The following CELF2 variants were observed in gnomAD, a reference collection of about 807,000 sequenced individuals.
CELF2 encodes CUGBP Elav-like family member 2.
A neutral mutation model predicts 62.6 loss-of-function variants in CELF2; 8 were observed. That is an observed-to-expected ratio of 0.13 (90% confidence interval 0.07 to 0.23). The LOEUF (loss-of-function observed/expected upper bound fraction) is 0.23, where lower values mean the gene tolerates loss of function less well. Among genes scored for constraint, CELF2 ranks in the 10% least tolerant of loss-of-function variants. The pLI is 1.00. For synonymous variants in CELF2, 258 were observed against 250.0 expected (o/e 1.03, Z -0.30); for missense variants, 333 against 671.0 (o/e 0.50, Z 5.56).
At chr10:10,647,031 C>G in the CELF2 span, among the ~76,000 whole-genome samples, 1 of 152,190 alleles carries the variant, frequency 6.6e-6, no homozygotes, top group South Asian at 2.1e-4. Context: ...TCTAATATCT[C>G]TGTGACATTA....
the CELF2 span, among the ~76,000 whole-genome samples, chr10:10,598,809 G>T: frequency 7.5e-6 from 1 of 134,148 alleles, no homozygotes; most frequent in South Asian, 2.4e-4. Flanking sequence ...AGCCAGGCTG[G>T]AGTGCGGGAT....
intron 1 of CELF2, among the ~76,000 whole-genome samples, chr10:11,086,189 C>T (rs553917372): frequency 3.3e-5 from 5 of 152,216 alleles, no homozygotes; most frequent in Admixed American, 1.3e-4. Context: ...AATGCAGTGC[C>T]ATCTGGAAGA....
the CELF2 span, among the ~76,000 whole-genome samples, chr10:10,583,602 G>A: frequency 1.3e-5 from 2 of 152,124 alleles, no homozygotes; most frequent in Admixed American, 6.5e-5. Flanking sequence ...TGCCGGGGCA[G>A]GACTGGAAAT....
At chr10:10,807,958 A>G (rs773684794) in intron 1 of CELF2, among the ~76,000 whole-genome samples, 7 of 152,294 alleles carry the variant, frequency 4.6e-5, no homozygotes, top group Non-Finnish European at 1.0e-4. Context: ...AGTTATTTCC[A>G]TAGGTCTCTG....
At chr10:10,935,715 G>T in intron 2 of CELF2, among the ~76,000 whole-genome samples, 1 of 152,264 alleles carries the variant, frequency 6.6e-6, no homozygotes, top group Middle Eastern at 3.4e-3. Flanking sequence ...AAGCAAGATG[G>T]TATCACATTG....
intron 1 of CELF2, among the ~76,000 whole-genome samples, chr10:10,823,568 A>G (rs2057142788): frequency 8.9e-6 from 1 of 112,930 alleles, no homozygotes; most frequent in South Asian, 2.6e-4. Flanking sequence ...CTGTGTATGC[A>G]TGTTTTCTTA....
At chr10:10,526,470 C>T in the CELF2 span, among the ~76,000 whole-genome samples, 15 of 152,166 alleles carry the variant, frequency 9.9e-5, no homozygotes, top group Non-Finnish European at 1.9e-4. Flanking sequence ...ATTTAATATG[C>T]TTCCCTTTGT....
upstream of CELF2, among the ~76,000 whole-genome samples, chr10:11,014,541 G>A (rs558320934): frequency 2.6e-5 from 4 of 152,218 alleles, no homozygotes; most frequent in South Asian, 4.2e-4. Flanking sequence ...TGAGTGAGGT[G>A]GCAGGAAAAG....
chr10:11,081,788 C>T (rs2074102223), intron 1 of CELF2, among the ~76,000 whole-genome samples: 1 of 152,152 alleles, frequency 6.6e-6, no homozygotes, highest in Admixed American at 6.5e-5. Flanking sequence ...TGTGTATCAG[C>T]TGGGCTTCCT....
At position 11,207,201 on chromosome 10, in the gene CELF2, C is replaced by G. The variant is rs1302388266; in HGVS notation, c.272-10224C>G. On this transcript the variant is annotated intron_variant, in intron 2 of 12. Transcript: ENST00000633077. The surrounding 1 kb of genome is among the most constrained non-coding windows in gnomAD (Gnocchi z 4.1). Reference sequence around the variant, plus strand: ...ACATAGCTGTGCATATTAGGCTGCACTTGCTTTCCCAAGAGGCTTGAAAAT... The same window carrying G: ...ACATAGCTGTGCATATTAGGCTGCAGTTGCTTTCCCAAGAGGCTTGAAAAT... Among the ~76,000 whole-genome samples, 1 of 152,246 alleles carries G rather than the reference C, an allele frequency of 6.6e-6. No homozygotes were observed. Among genetic ancestry groups the G allele is most frequent in the Non-Finnish European group, 1.5e-5 (1 of 68,044 alleles).
chr10:11,334,873 C>T lies in CELF2; in HGVS notation c.*5820C>T, dbSNP rs2096090205. 6.6e-6 allele frequency: 1 copy of T among 152,184 alleles called. No homozygotes were observed. The highest frequency in any genetic ancestry group is 1.5e-5 in the Non-Finnish European group (1 of 68,030). 9.4% of individuals were successfully genotyped at this position (152,184 alleles called of 1,614,324 possible). On this transcript the variant is annotated 3_prime_UTR_variant, in exon 13 of 13. Transcript: ENST00000633077. Reference sequence around the variant, plus strand: ...AACTTAGCCAGTGAAAAGGGTTAAACTTAAGTCTATTATTTGTTGCCCTCA... The same window carrying T: ...AACTTAGCCAGTGAAAAGGGTTAAATTTAAGTCTATTATTTGTTGCCCTCA...
intron 1 of CELF2, among the ~76,000 whole-genome samples, chr10:11,044,347 G>C (rs1190527107): frequency 6.6e-6 from 1 of 152,212 alleles, no homozygotes; most frequent in African/African-American, 2.4e-5. Flanking sequence ...AAAACAGGAA[G>C]TCAGTAAATT....
intron 5 of CELF2, among the ~76,000 whole-genome samples, chr10:11,262,570 G>A (rs2080989715): frequency 6.6e-6 from 1 of 152,182 alleles, no homozygotes; most frequent in African/African-American, 2.4e-5. Flanking sequence ...CAGCTATTAA[G>A]TAGGTCCTAG....
At position 11,165,025 on chromosome 10, in the gene CELF2, T is replaced by A; in HGVS notation, c.75-461T>A. On this transcript the variant is annotated intron_variant, in intron 1 of 12. Coordinates refer to ENST00000633077, the MANE Select transcript of CELF2 (RefSeq NM_001326342.2). The surrounding 1 kb of genome is among the most constrained non-coding windows in gnomAD (Gnocchi z 7.4). ...ACCTCTCTCCTCTCTTCCAAAAACC[T>A]CCCAAAAAGGGCGGTGGGGCGGGGG... The A allele has an allele frequency of 1.4e-6, 1 of 725,760 alleles. No homozygotes were observed. The highest frequency in any genetic ancestry group is 1.6e-4 in the East Asian group (1 of 6,402). The allele number at this position is 725,760 out of a possible 1,614,324, so 45.0% of individuals were successfully genotyped here. A position where few individuals can be genotyped will look rare whatever the true frequency, so the allele number is the denominator to read the frequency against.
At chr10:10,546,849 G>C in the CELF2 span, among the ~76,000 whole-genome samples, 2 of 151,470 alleles carry the variant, frequency 1.3e-5, no homozygotes, top group African/African-American at 4.8e-5. Flanking sequence ...GCTCATGCCT[G>C]TAATCCCAGC....
chr10:10,825,516 C>T (rs1015249553), intron 1 of CELF2, among the ~76,000 whole-genome samples: 4 of 152,116 alleles, frequency 2.6e-5, no homozygotes, highest in Middle Eastern at 3.2e-3. Context: ...AGCTGGATAC[C>T]GATGTTTTAA....
chr10:11,058,461 G>GTTTTTTTTTT (rs67113152), intron 1 of CELF2, among the ~76,000 whole-genome samples: 8 of 116,816 alleles, frequency 6.8e-5, no homozygotes, highest in East Asian at 3.1e-4. Context: ...TTTTTTGTTG[G>GTTTTTTTTTT]TTTTTTTTTT....
chr10:10,589,598 A>T, the CELF2 span, among the ~76,000 whole-genome samples: 1 of 152,144 alleles, frequency 6.6e-6, no homozygotes, highest in South Asian at 2.1e-4. Flanking sequence ...ATTTGAGAGA[A>T]TGTGAAAATG....
intron 1 of CELF2, among the ~76,000 whole-genome samples, chr10:11,129,532 A>G (rs1283297141): frequency 2.6e-5 from 4 of 152,040 alleles, no homozygotes; most frequent in African/African-American, 9.7e-5. Context: ...TTGGTAGGCT[A>G]TTATTATTGC....
Sources: allele counts gnomAD v4.1 joint callset (sites outside exome capture counted in the v4.1 genomes callset), GRCh38; gene constraint gnomAD v4.1.1; non-coding constraint Gnocchi (gnomAD v3.1); transcripts MANE v1.5; gene names NCBI Gene and HGNC (gene_info 2026-07-23, HGNC 2026-07-21).